Variants in HSPA9 observed in about 807,000 individuals in gnomAD.
HSPA9 encodes stress-70 protein, mitochondrial.
HSPA9 carries 28 observed loss-of-function variants against 81.5 expected under a neutral mutation model. The observed-to-expected ratio is 0.34, with a 90% CI of 0.25 to 0.47. The LOEUF (loss-of-function observed/expected upper bound fraction) is 0.47. HSPA9 is among the 20% of genes least tolerant of loss of function. HSPA9 has a pLI of 1.00. For missense variants in HSPA9, 678 were observed against 838.0 expected (o/e 0.81, Z 2.36); for synonymous variants, 293 against 290.4 (o/e 1.01, Z -0.09).
chr5:138,571,007 CT>C lies in HSPA9; in HGVS notation c.362del (p.Lys121SerfsTer51). On this transcript the variant is annotated frameshift_variant, in exon 4 of 17. Coordinates refer to ENST00000297185, the MANE Select transcript of HSPA9 (RefSeq NM_004134.7). LOFTEE classifies it high-confidence loss of function. ...TNPNNTFYATKRLIGRRYDDP... is the reference protein window; with the variant it reads ...TNPNNTFYATXRLIGRRYDDP... ...CATCATATCGCCGGCCAATGAGACG[CT>C]TGGTAGCATAAAATGTATTGTTTGG... 1 of 1,614,142 alleles carries C rather than the reference CT, an allele frequency of 6.2e-7. No individual in the cohort carries two copies. The highest frequency in any genetic ancestry group is 8.5e-7 in the Non-Finnish European group (1 of 1,180,022).
chr5:138,574,396 C>A (rs1751034299), intron 1 of HSPA9, among the ~76,000 whole-genome samples: 1 of 152,152 alleles, frequency 6.6e-6, no homozygotes, highest in Non-Finnish European at 1.5e-5. Flanking sequence ...ACAGCAGCAT[C>A]CCTGGCCTCG....
intron 9 of HSPA9, 114 bp downstream of exon 9, chr5:138,566,512 C>A: frequency 1.2e-6 from 1 of 820,554 alleles, no homozygotes; most frequent in East Asian, 2.5e-5. Flanking sequence ...ACTGAAAAAA[C>A]AAACAAACAA....
chr5:138,559,667 G>A (rs1013480699), intron 11 of HSPA9, 197 bp downstream of exon 11: 1 of 576,476 alleles, frequency 1.7e-6, no homozygotes, highest in Non-Finnish European at 3.1e-6. Context: ...CAGCTAACAT[G>A]TAAGAACTTT....
At chr5:138,568,377 T>G (rs1221181123) in intron 5 of HSPA9, among the ~76,000 whole-genome samples, 1 of 151,344 alleles carries the variant, frequency 6.6e-6, no homozygotes, top group Non-Finnish European at 1.5e-5. Context: ...GGCGCATGCC[T>G]GTAATCCCAG....
chr5:138,553,778 A>G lies in HSPA9; in HGVS notation c.*2259T>C, dbSNP rs1039543571. Among the ~76,000 whole-genome samples the G allele has an allele frequency of 6.6e-6, 1 of 152,178 alleles. No homozygotes were observed. Among genetic ancestry groups the G allele is most frequent in the African/African-American group, 2.4e-5 (1 of 41,452 alleles). ...TTCTTTTTGCCTTTTGTGATAGTTA[A>G]TTTTATGTGTCAGTTTAGCCATTGA... On this transcript the variant is annotated 3_prime_UTR_variant, in exon 17 of 17. Transcript: ENST00000297185.
At chr5:138,562,860 G>A (rs1324643856) in intron 9 of HSPA9, among the ~76,000 whole-genome samples, 1 of 152,192 alleles carries the variant, frequency 6.6e-6, no homozygotes, top group African/African-American at 2.4e-5. Context: ...GAAAGCTACA[G>A]ACATGCTCTC....
In HSPA9 at chr5:138,555,875, A is replaced by T. The variant is rs904269837; in HGVS notation, c.*162T>A. The T allele has an allele frequency of 1.4e-5, 9 of 651,942 alleles. No homozygotes were observed. Among genetic ancestry groups the T allele is most frequent in the African/African-American group, 1.1e-4 (6 of 54,834 alleles). The allele number at this position is 651,942 out of a possible 1,614,324, so 40.4% of individuals were successfully genotyped here. A position where few individuals can be genotyped will look rare whatever the true frequency, so the allele number is the denominator to read the frequency against. ...TGTTAGAATCACTGTCCATTAAATG[A>T]TCACTAGCTAATGGTCACTAAATTT... On this transcript the variant is annotated 3_prime_UTR_variant, in exon 17 of 17. Transcript: ENST00000297185.
In HSPA9 at chr5:138,558,882, CGCA is replaced by C. The variant is rs1750591280; in HGVS notation, c.1411-228_1411-226del. On this transcript the variant is annotated intron_variant, in intron 11 of 16. Coordinates refer to ENST00000297185, the MANE Select transcript of HSPA9 (RefSeq NM_004134.7). Reference sequence around the variant, plus strand: ...GCTAAGCAAATGCATTGTACAAAGACGCAGCATTAGGACAGAAGTCCTCAAAAG... The same window carrying C: ...GCTAAGCAAATGCATTGTACAAAGACGCATTAGGACAGAAGTCCTCAAAAG... 33 of 495,650 alleles carry C rather than the reference CGCA, an allele frequency of 6.7e-5. 1 individual carries two copies. The highest frequency in any genetic ancestry group is 6.6e-4 in the South Asian group (32 of 48,736). 30.7% of individuals were successfully genotyped at this position (495,650 alleles called of 1,614,324 possible).
intron 15 of HSPA9, 89 bp downstream of exon 15, chr5:138,556,685 A>G: frequency 6.4e-7 from 1 of 1,552,346 alleles, no homozygotes. Flanking sequence ...AAATAATTAA[A>G]CCCCTATCAA....
intron 9 of HSPA9, among the ~76,000 whole-genome samples, chr5:138,564,239 G>A (rs951702329): frequency 4.6e-5 from 7 of 152,196 alleles, no homozygotes; most frequent in African/African-American, 1.4e-4. Context: ...GAGTAGCTGG[G>A]ATTACAGGCA....
At chr5:138,572,820 G>T (rs1024633405) in intron 3 of HSPA9, among the ~76,000 whole-genome samples, 8 of 151,970 alleles carry the variant, frequency 5.3e-5, no homozygotes, top group East Asian at 1.9e-4. Flanking sequence ...AAAAAACTTA[G>T]AAGTAGATAT....
Position 138,559,902 on chromosome 5 carries a change from T to G in HSPA9, c.1372A>C (p.Ile458Leu). ...GTTGGAATAGTGGTATTCCTATTAA[T>G]AAGTTTGGTAAAGACACCTCCTAGA... ...ETLGGVFTKL[I>L]NRNTTIPTKK... The change falls in exon 11 of 17, where the codon ATT (isoleucine) becomes CTT (leucine). Residue 458 changes from isoleucine (I) to leucine (L), a missense_variant. By Grantham distance (5) the Ile-to-Leu change is conservative (BLOSUM62 2). This residue lies in a region of HSPA9 where 484 missense variants were observed against 647.5 expected (regional missense o/e 0.75). Transcript: ENST00000297185. 3 of 1,613,886 alleles carry G rather than the reference T, an allele frequency of 1.9e-6. No individual in the cohort carries two copies. The highest frequency in any genetic ancestry group is 2.5e-6 in the Non-Finnish European group (3 of 1,179,812).
intron 1 of HSPA9, 124 bp downstream of exon 1, chr5:138,575,114 C>T (rs1273018960): frequency 7.2e-6 from 5 of 693,202 alleles, no homozygotes; most frequent in African/African-American, 1.8e-5. Flanking sequence ...GGCCCGTTAC[C>T]TTCCTTCCCG....
rs747239177 is a variant in HSPA9, at chr5:138,559,844, T to C, written c.1410+20A>G. The C allele has an allele frequency of 1.1e-5, 16 of 1,502,218 alleles. No homozygotes were observed. The highest frequency in any genetic ancestry group is 6.8e-5 in the East Asian group (3 of 44,360). The allele number at this position is 1,502,218 out of a possible 1,614,324, so 93.1% of individuals were successfully genotyped here. A position where few individuals can be genotyped will look rare whatever the true frequency, so the allele number is the denominator to read the frequency against. Reference sequence around the variant, plus strand: ...AGAACCTAAAACCCATGTGACAAGGTAGGAAGTGATGGCTCTTACCTGGCT... The same window carrying C: ...AGAACCTAAAACCCATGTGACAAGGCAGGAAGTGATGGCTCTTACCTGGCT... On this transcript the variant is annotated intron_variant, in intron 11 of 16. Transcript: ENST00000297185.
At position 138,574,111 on chromosome 5, in the gene HSPA9, G is replaced by A. The variant is rs980380224; in HGVS notation, c.97C>T (p.Leu33Phe). 1.2e-6 allele frequency: 2 copies of A among 1,613,666 alleles called. No individual in the cohort carries two copies. Among genetic ancestry groups the A allele is most frequent in the East Asian group, 2.2e-5 (1 of 44,858 alleles). Residue 33 changes from leucine (L) to phenylalanine (F), a missense_variant, in exon 2 of 17, where the codon CTT (leucine) becomes TTT (phenylalanine). Physicochemically the swap from Leu to Phe is conservative, Grantham distance 22. Around this residue, in one of 4 missense-constraint regions of HSPA9, gnomAD observed 89 missense variants for 70.4 expected, o/e 1.27. Transcript: ENST00000297185. ...ACAAGTCTAAAAGCCTCATGACTAA[G>A]GCCATTCCAGCTATCCTAAAAAAGA... ...AARHQDSWNGLSHEAFRLVSR... is the reference protein window; with the variant it reads ...AARHQDSWNGFSHEAFRLVSR...
Position 138,557,426 on chromosome 5 carries a change from A to G in HSPA9, c.1704T>C (p.Tyr568=), listed in dbSNP as rs187579473. Reference sequence around the variant, plus strand: ...CCTTCTTTCGCCGGTCTTCTTCAGCATATTTCTCTGCATTTTTAACCATAT... The same window carrying G: ...CCTTCTTTCGCCGGTCTTCTTCAGCGTATTTCTCTGCATTTTTAACCATAT... ...IENMVKNAEK[Y]AEEDRRKKER... is the part of the protein sequence containing the mutation. Residue 568 remains tyrosine (Y), a synonymous_variant, in exon 14 of 17, where the codon TAT becomes TAC. Coordinates refer to ENST00000297185, the MANE Select transcript of HSPA9 (RefSeq NM_004134.7). The G allele has an allele frequency of 4.0e-5, 64 of 1,609,840 alleles. 1 individual carries two copies. In the East Asian group the frequency reaches 1.3e-3, roughly 33 times the overall value.
rs760163837 is a variant in HSPA9 at position 138,575,290 on chromosome 5, G to A, written c.29C>T (p.Ala10Val). The A allele has an allele frequency of 3.7e-6, 6 of 1,612,174 alleles. 1 individual carries two copies. In the Admixed American group the frequency reaches 6.7e-5, roughly 18 times the overall value. Residue 10 changes from alanine (A) to valine (V), a missense_variant, in exon 1 of 17, where the codon GCC becomes GTC. By Grantham distance (64) the Ala-to-Val change is moderately conservative (BLOSUM62 0). Transcript: ENST00000297185. The part of the protein sequence containing the change: MISASRAAA[A>V]RLVGAAASRG... ...GGAGGCTGCGGCGCCCACGAGACGG[G>A]CTGCTGCAGCTCGGCTGGCACTTAT...
At position 138,567,046 on chromosome 5, in the gene HSPA9, A is replaced by G. The variant is rs1480311695; in HGVS notation, c.834T>C (p.Phe278=). The G allele has an allele frequency of 6.2e-7, 1 of 1,613,564 alleles. No individual in the cohort carries two copies. Among genetic ancestry groups the G allele is most frequent in the Non-Finnish European group, 8.5e-7 (1 of 1,179,924 alleles). The change falls in exon 8 of 17, where the codon TTT becomes TTC. Residue 278 remains phenylalanine, a synonymous_variant. Coordinates refer to ENST00000297185, the MANE Select transcript of HSPA9 (RefSeq NM_004134.7). ...CAATGTGCCGTAGCAAGGCCTGGTC[A>G]AAGTCTTCCCCACCTAAGAAGGTAT... ...NGDTFLGGED[F]DQALLRHIVK...
chr5:138,568,503 G>C (rs1247597624), intron 5 of HSPA9, among the ~76,000 whole-genome samples: 1 of 152,110 alleles, frequency 6.6e-6, no homozygotes, highest in Non-Finnish European at 1.5e-5. Flanking sequence ...GTGAAACTCT[G>C]TCTCAAAAAA....
Sources: allele counts gnomAD v4.1 joint callset (sites outside exome capture counted in the v4.1 genomes callset), GRCh38; gene constraint gnomAD v4.1.1; regional missense constraint gnomAD v4.1.1; transcripts MANE v1.5; gene names NCBI Gene and HGNC (gene_info 2026-07-23, HGNC 2026-07-21).